Variants in FOXJ3 observed in about 807,000 individuals in gnomAD.
FOXJ3 encodes forkhead box protein J3.
A neutral mutation model predicts 76.1 loss-of-function variants in FOXJ3; 22 were observed. The ratio of observed to expected loss-of-function variants is 0.29; its 90% CI spans 0.21 to 0.41. The LOEUF (loss-of-function observed/expected upper bound fraction) is 0.41, where lower values mean the gene tolerates loss of function less well. Among genes scored for constraint, FOXJ3 ranks in the 10% least tolerant of loss-of-function variants. FOXJ3 has a pLI of 1.00. For missense variants in FOXJ3, 613 were observed against 762.1 expected, an observed-to-expected ratio of 0.80 and a Z score of 2.30; for synonymous variants, 269 against 261.2, an observed-to-expected ratio of 1.03 and a Z score of -0.29.
chr1:42,327,927 T>C (rs1199493123), intron 1 of FOXJ3, among the ~76,000 whole-genome samples: 1 of 152,192 alleles, frequency 6.6e-6, no homozygotes, highest in East Asian at 1.9e-4. Context: ...GCCAACTCTA[T>C]GGAATCCACA....
At chr1:42,309,761 T>C (rs1176625155) in intron 2 of FOXJ3, among the ~76,000 whole-genome samples, 1 of 152,230 alleles carries the variant, frequency 6.6e-6, no homozygotes, top group African/African-American at 2.4e-5. Context: ...AAGATTTCAA[T>C]TAGCAGATTA....
intron 5 of FOXJ3, among the ~76,000 whole-genome samples, chr1:42,221,620 A>G (rs1305865574): frequency 6.2e-5 from 9 of 146,064 alleles, no homozygotes; most frequent in South Asian, 4.4e-4. Flanking sequence ...CACACCCACT[A>G]TTTTTTTTTT....
chr1:42,229,934 G>A (rs1490535415), intron 4 of FOXJ3, among the ~76,000 whole-genome samples: 1 of 152,154 alleles, frequency 6.6e-6, no homozygotes, highest in Non-Finnish European at 1.5e-5. Context: ...GTGTATATGT[G>A]TATTAATCTG....
chr1:42,244,070 T>C (rs1007349870), intron 4 of FOXJ3, among the ~76,000 whole-genome samples: 9 of 152,180 alleles, frequency 5.9e-5, no homozygotes, highest in African/African-American at 2.2e-4. Flanking sequence ...CCTGAATGAC[T>C]ATTGGCTCAA....
At chr1:42,269,750 T>C (rs1651735071) in intron 3 of FOXJ3, among the ~76,000 whole-genome samples, 1 of 152,118 alleles carries the variant, frequency 6.6e-6, no homozygotes, top group African/African-American at 2.4e-5. Flanking sequence ...CATCCTTAAC[T>C]CCTGTCTCTT....
At chr1:42,237,314 G>T (rs755168814) in intron 4 of FOXJ3, among the ~76,000 whole-genome samples, 1 of 151,264 alleles carries the variant, frequency 6.6e-6, no homozygotes, top group South Asian at 2.1e-4. Context: ...GGCGGTGCTT[G>T]CAGTGAGCAG....
At chr1:42,304,626 G>T (rs1383863542) in intron 2 of FOXJ3, among the ~76,000 whole-genome samples, 1 of 152,094 alleles carries the variant, frequency 6.6e-6, no homozygotes, top group African/African-American at 2.4e-5. Flanking sequence ...TTTGTCAAAG[G>T]TTCCAAGAGC....
At chr1:42,284,617 C>G (rs1295769995) in intron 2 of FOXJ3, among the ~76,000 whole-genome samples, 1 of 152,194 alleles carries the variant, frequency 6.6e-6, no homozygotes, top group Non-Finnish European at 1.5e-5. Context: ...ACCTACAAAA[C>G]TACAGCATTA....
chr1:42,185,478 T>C (rs1459716818), intron 11 of FOXJ3, among the ~76,000 whole-genome samples: 4 of 152,020 alleles, frequency 2.6e-5, no homozygotes, highest in Admixed American at 1.3e-4. Flanking sequence ...ACCAAGGTGG[T>C]CTCGATCTCC....
chr1:42,234,072 A>G (rs1648380367), intron 4 of FOXJ3, among the ~76,000 whole-genome samples: 1 of 152,202 alleles, frequency 6.6e-6, no homozygotes. Flanking sequence ...ACATAGTCCC[A>G]TATTTCTTGG....
chr1:42,315,736 A>G (rs1383326362), intron 1 of FOXJ3, among the ~76,000 whole-genome samples: 1 of 152,264 alleles, frequency 6.6e-6, no homozygotes, highest in Non-Finnish European at 1.5e-5. Flanking sequence ...AGGAAATTTC[A>G]AAGTCCTCCA....
At chr1:42,282,388 C>G (rs1487751540) in intron 2 of FOXJ3, among the ~76,000 whole-genome samples, 1 of 152,196 alleles carries the variant, frequency 6.6e-6, no homozygotes, top group Admixed American at 6.5e-5. Context: ...GGCTCCCTAA[C>G]TCCTACTATA....
At chr1:42,318,344 C>A (rs1331293897) in intron 1 of FOXJ3, among the ~76,000 whole-genome samples, 1 of 152,120 alleles carries the variant, frequency 6.6e-6, no homozygotes, top group Non-Finnish European at 1.5e-5. Flanking sequence ...CAGGGAAATA[C>A]AATTTTTTAT....
At chr1:42,305,971 C>T (rs927124846) in intron 2 of FOXJ3, among the ~76,000 whole-genome samples, 2 of 152,034 alleles carry the variant, frequency 1.3e-5, no homozygotes, top group African/African-American at 2.4e-5. Flanking sequence ...CTCATGTACC[C>T]CATAAATATA....
chr1:42,256,458 G>A (rs897530995), intron 4 of FOXJ3, among the ~76,000 whole-genome samples: 1 of 152,130 alleles, frequency 6.6e-6, no homozygotes. Context: ...AAATGCCCAG[G>A]AAGCACATGA....
intron 5 of FOXJ3, among the ~76,000 whole-genome samples, chr1:42,210,135 C>G (rs529670488): frequency 6.6e-6 from 1 of 152,130 alleles, no homozygotes; most frequent in East Asian, 1.9e-4. Context: ...TTGCTACACC[C>G]GATGCCCCAT....
At chr1:42,219,068 G>A (rs1186929307) in intron 5 of FOXJ3, among the ~76,000 whole-genome samples, 1 of 152,162 alleles carries the variant, frequency 6.6e-6, no homozygotes, top group African/African-American at 2.4e-5. Flanking sequence ...GTTAGTTCAG[G>A]AGTCCTCTCT....
intron 2 of FOXJ3, among the ~76,000 whole-genome samples, chr1:42,293,581 A>G (rs542524085): frequency 3.3e-5 from 5 of 152,198 alleles, no homozygotes. Flanking sequence ...GCAAAAAAAA[A>G]TTTGTGCTGC....
chr1:42,283,433 T>C (rs1264849656), intron 2 of FOXJ3, among the ~76,000 whole-genome samples: 1 of 152,190 alleles, frequency 6.6e-6, no homozygotes, highest in Non-Finnish European at 1.5e-5. Context: ...TTTAGTACAC[T>C]GCGTGGCCTA....
Sources: allele counts gnomAD v4.1 joint callset (sites outside exome capture counted in the v4.1 genomes callset), GRCh38; gene constraint gnomAD v4.1.1; transcripts MANE v1.5; gene names NCBI Gene and HGNC (gene_info 2026-07-23, HGNC 2026-07-21).